Variants in MINDY3 observed in about 807,000 individuals in gnomAD.
MINDY3 encodes the protein ubiquitin carboxyl-terminal hydrolase MINDY-3.
MINDY3 carries 38 observed loss-of-function variants against 69.2 expected under a neutral mutation model. The ratio of observed to expected loss-of-function variants is 0.55; its 90% CI spans 0.42 to 0.72. The LOEUF (loss-of-function observed/expected upper bound fraction) is 0.72, where lower values mean the gene tolerates loss of function less well. Among genes scored for constraint, MINDY3 ranks in the 30% least tolerant of loss-of-function variants. The probability of loss-of-function intolerance (pLI) is 0.00; values close to 1 mark genes in which losing one functional copy is unlikely to be tolerated. For missense variants in MINDY3, 522 were observed against 519.0 expected (o/e 1.01, Z -0.06); for synonymous variants, 192 against 180.1 (o/e 1.07, Z -0.53).
At chr10:15,836,870 C>T (rs1276447477) in intron 6 of MINDY3, among the ~76,000 whole-genome samples, 1 of 151,450 alleles carries the variant, frequency 6.6e-6, no homozygotes, top group Non-Finnish European at 1.5e-5. Flanking sequence ...AAAAAAAAAT[C>T]AAGAAATGGA....
At chr10:15,821,609 G>A (rs1284452704) in intron 9 of MINDY3, 47 bp downstream of exon 9, 1 of 1,402,228 alleles carries the variant, frequency 7.1e-7, no homozygotes, top group Non-Finnish European at 1.0e-6. Context: ...CCACAATAGT[G>A]GACATCTAAA....
intron 11 of MINDY3, among the ~76,000 whole-genome samples, chr10:15,790,633 G>C (rs186484241): frequency 1.3e-5 from 2 of 152,062 alleles, no homozygotes; most frequent in Non-Finnish European, 2.9e-5. Context: ...TGTGTTTATA[G>C]GCTATATCCA....
intron 1 of MINDY3, among the ~76,000 whole-genome samples, chr10:15,853,750 TG>T (rs1834482437): frequency 6.6e-6 from 1 of 151,742 alleles, no homozygotes; most frequent in African/African-American, 2.4e-5. Context: ...TTTTTTTTAA[TG>T]GAGTGCTGCT....
chr10:15,858,806 T>C (rs116208541), intron 1 of MINDY3, among the ~76,000 whole-genome samples: 5,146 of 152,246 alleles, frequency 0.034, 261 homozygotes, highest in African/African-American at 0.12. Context: ...TGGAAGTAAA[T>C]TTTTTCTTAG....
chr10:15,855,832 CAG>C, intron 1 of MINDY3, among the ~76,000 whole-genome samples: 1 of 152,010 alleles, frequency 6.6e-6, no homozygotes, highest in East Asian at 1.9e-4. Context: ...TCCTATCTTT[CAG>C]GGTTGTTGCA....
intron 8 of MINDY3, among the ~76,000 whole-genome samples, chr10:15,826,080 A>T (rs1447504781): frequency 6.6e-6 from 1 of 152,230 alleles, no homozygotes; most frequent in Non-Finnish European, 1.5e-5. Flanking sequence ...GAAAATCAAA[A>T]TCAAAGAAAA....
intron 5 of MINDY3, 112 bp downstream of exon 5, chr10:15,838,116 G>C (rs1179808146): frequency 1.5e-6 from 2 of 1,310,988 alleles, no homozygotes; most frequent in African/African-American, 3.1e-5. Flanking sequence ...TAAAATTTAT[G>C]TTTAAGTAGC....
At chr10:15,824,764 A>T (rs1364060352) in intron 8 of MINDY3, among the ~76,000 whole-genome samples, 1 of 152,248 alleles carries the variant, frequency 6.6e-6, no homozygotes, top group Non-Finnish European at 1.5e-5. Context: ...ACTTTTAAAC[A>T]AATGTCTAAT....
intron 1 of MINDY3, among the ~76,000 whole-genome samples, chr10:15,849,531 G>A (rs958022338): frequency 2.0e-5 from 3 of 151,598 alleles, no homozygotes; most frequent in East Asian, 1.9e-4. Flanking sequence ...TGATGCTGAC[G>A]TAATGAAAGC....
At chr10:15,827,296 C>T (rs1440080264) in intron 8 of MINDY3, among the ~76,000 whole-genome samples, 1 of 151,532 alleles carries the variant, frequency 6.6e-6, no homozygotes, top group Non-Finnish European at 1.5e-5. Context: ...AATCTCAGCA[C>T]TTTGGAAGGC....
intron 4 of MINDY3, among the ~76,000 whole-genome samples, chr10:15,840,089 T>C (rs530690793): frequency 6.6e-6 from 1 of 151,808 alleles, no homozygotes; most frequent in Non-Finnish European, 1.5e-5. Flanking sequence ...CACATCAATA[T>C]ACAGACTGGC....
intron 2 of MINDY3, among the ~76,000 whole-genome samples, chr10:15,845,966 G>A (rs977694383): frequency 7.3e-5 from 11 of 151,500 alleles, no homozygotes; most frequent in Non-Finnish European, 1.2e-4. Context: ...GGGATTACAG[G>A]CGCCTGCCAC....
chr10:15,858,663 T>A (rs2132164638), intron 1 of MINDY3, among the ~76,000 whole-genome samples: 1 of 152,332 alleles, frequency 6.6e-6, no homozygotes, highest in Non-Finnish European at 1.5e-5. Context: ...TATTCCAGAC[T>A]GTGCTCTTAA....
At chr10:15,805,081 T>C (rs1838538893) in intron 10 of MINDY3, among the ~76,000 whole-genome samples, 1 of 152,138 alleles carries the variant, frequency 6.6e-6, no homozygotes, top group Non-Finnish European at 1.5e-5. Flanking sequence ...ACAGATGTCA[T>C]CTACTCTTGT....
intron 4 of MINDY3, 80 bp from the exon 5 acceptor site, chr10:15,838,359 T>C (rs922266252): frequency 3.2e-6 from 4 of 1,265,432 alleles, no homozygotes; most frequent in South Asian, 3.7e-5. Context: ...GTAAATACTT[T>C]CAAGCAATCA....
chr10:15,829,139 G>C (rs907768093), intron 8 of MINDY3, among the ~76,000 whole-genome samples: 3 of 152,130 alleles, frequency 2.0e-5, no homozygotes, highest in Non-Finnish European at 4.4e-5. Context: ...AGCCGACTGA[G>C]GTAAAGCACC....
intron 10 of MINDY3, among the ~76,000 whole-genome samples, chr10:15,810,802 C>T (rs978702785): frequency 3.9e-4 from 59 of 151,812 alleles, no homozygotes; most frequent in African/African-American, 1.3e-3. Context: ...ATATACAGGA[C>T]GAATCTAGTA....
chr10:15,848,540 C>A (rs909900124), intron 1 of MINDY3, among the ~76,000 whole-genome samples: 2 of 146,460 alleles, frequency 1.4e-5, no homozygotes, highest in African/African-American at 5.0e-5. Context: ...AGGCTGAGGC[C>A]GAAGAATGGC....
At chr10:15,826,139 G>A (rs561765831) in intron 8 of MINDY3, among the ~76,000 whole-genome samples, 1 of 152,288 alleles carries the variant, frequency 6.6e-6, no homozygotes, top group South Asian at 2.1e-4. Flanking sequence ...TGGATGGCAG[G>A]TAGAGAGGAG....
Sources: gnomAD v4.1 joint callset for allele counts (sites outside exome capture counted in the v4.1 genomes callset) on GRCh38, gnomAD v4.1.1 for gene constraint, MANE v1.5 for transcripts, NCBI Gene and HGNC (gene_info 2026-07-23, HGNC 2026-07-21) for gene names.